TTLL11: variants seen among roughly 807,000 people sequenced by gnomAD.
TTLL11 encodes tubulin polyglutamylase TTLL11.
In TTLL11, 42 loss-of-function variants were observed where a neutral mutation model predicts 51.7. That is an observed-to-expected ratio of 0.81 (90% CI 0.64 to 1.05). TTLL11 has a LOEUF of 1.05. TTLL11 is among the 50% of genes least tolerant of loss of function. TTLL11 has a pLI of 0.00. For synonymous variants in TTLL11, 381 were observed against 383.5 expected, an observed-to-expected ratio of 0.99 and a Z score of 0.08; for missense variants, 799 against 940.4, an observed-to-expected ratio of 0.85 and a Z score of 1.97.
intron 8 of TTLL11, among the ~76,000 whole-genome samples, chr9:121,826,568 T>C (rs187650828): frequency 0.075 from 8,922 of 118,924 alleles, 1,212 homozygotes; most frequent in African/African-American, 0.21. Context: ...TATATATATA[T>C]ATATATATAT....
At position 122,093,104 on chromosome 9, in the gene TTLL11, C is replaced by T; in HGVS notation, c.45G>A (p.Glu15=). ...CTTTGGCCGCAGCCACCGCCTCCGC[C>T]TCCCACCGGGCCGCCAGCTCGCTCT... is the stretch of plus-strand genomic sequence containing the variant. ...SSESELAARW[E]AEAVAAAKAA... is the part of the protein sequence containing the mutation. The change falls in exon 1 of 9, where the codon GAG becomes GAA. Residue 15 remains glutamate, a synonymous_variant. Coordinates refer to ENST00000321582, the MANE Select transcript of TTLL11 (RefSeq NM_001139442.2). The T allele has an allele frequency of 2.0e-6, 3 of 1,500,396 alleles. No individual in the cohort carries two copies. The highest frequency in any genetic ancestry group is 2.7e-6 in the Non-Finnish European group (3 of 1,131,986). 92.9% of individuals were successfully genotyped at this position (1,500,396 alleles called of 1,614,324 possible).
chr9:121,863,623 C>G (rs1838087790), intron 7 of TTLL11, among the ~76,000 whole-genome samples: 1 of 152,206 alleles, frequency 6.6e-6, no homozygotes, highest in Non-Finnish European at 1.5e-5. Flanking sequence ...GCTACTGGGA[C>G]AGAGGAGGGA....
chr9:122,044,119 TG>T (rs911659740), intron 1 of TTLL11, among the ~76,000 whole-genome samples: 2 of 152,244 alleles, frequency 1.3e-5, no homozygotes, highest in African/African-American at 4.8e-5. Context: ...TTTGGTTTTT[TG>T]TCCTTGCGAT....
intron 3 of TTLL11, among the ~76,000 whole-genome samples, chr9:122,016,273 G>C (rs1359435909): frequency 6.6e-6 from 1 of 152,138 alleles, no homozygotes; most frequent in Non-Finnish European, 1.5e-5. Context: ...TCTAATAAAA[G>C]GTTAAATATG....
intron 1 of TTLL11, among the ~76,000 whole-genome samples, chr9:122,070,003 ACACACACACGCG>A (rs1390929052): frequency 6.6e-6 from 1 of 151,682 alleles, no homozygotes; most frequent in African/African-American, 2.4e-5. Flanking sequence ...ACACACACAC[ACACACACACGCG>A]CACACACACA....
intron 1 of TTLL11, among the ~76,000 whole-genome samples, chr9:122,072,735 T>A (rs1250724502): frequency 6.6e-6 from 1 of 152,118 alleles, no homozygotes; most frequent in East Asian, 1.9e-4. Flanking sequence ...CCCTGCTACC[T>A]TGCTCACCCC....
intron 1 of TTLL11, among the ~76,000 whole-genome samples, chr9:122,047,818 T>C (rs993962906): frequency 1.3e-5 from 2 of 152,180 alleles, no homozygotes; most frequent in African/African-American, 4.8e-5. Flanking sequence ...TCATTAACAC[T>C]ATGCATTTCT....
chr9:121,838,538 G>A (rs1287934017), intron 8 of TTLL11, among the ~76,000 whole-genome samples: 1 of 152,162 alleles, frequency 6.6e-6, no homozygotes, highest in Non-Finnish European at 1.5e-5. Flanking sequence ...GGCCAACATG[G>A]TGAAACCCTG....
In TTLL11 at chr9:121,822,547, C is replaced by T; in HGVS notation, c.*40G>A. The stretch of plus-strand genomic sequence containing the variant: ...GCCTGGGGCGCTCCAGCCCTGAAAG[C>T]TGCTCTCGTCTTCCGTTTTCCAGGA... On this transcript the variant is annotated 3_prime_UTR_variant, in exon 9 of 9. Coordinates refer to ENST00000321582, the MANE Select transcript of TTLL11 (RefSeq NM_001139442.2). This position sits in a 1 kb window ranked among gnomAD's most constrained non-coding sequence, Gnocchi z 5.8. 3 of 1,423,476 alleles carry T rather than the reference C, an allele frequency of 2.1e-6. No individual in the cohort carries two copies. Among genetic ancestry groups the T allele is most frequent in the Non-Finnish European group, 2.8e-6 (3 of 1,085,032 alleles). The allele number at this position is 1,423,476 out of a possible 1,614,324, so 88.2% of individuals were successfully genotyped here.
At chr9:121,907,217 G>C (rs1281653714) in intron 6 of TTLL11, among the ~76,000 whole-genome samples, 1 of 151,952 alleles carries the variant, frequency 6.6e-6, no homozygotes, top group East Asian at 1.9e-4. Context: ...TGGGAGGCTG[G>C]GGTGGGAGGA....
intron 6 of TTLL11, among the ~76,000 whole-genome samples, chr9:121,957,194 G>A (rs1043347255): frequency 1.5e-5 from 2 of 129,800 alleles, no homozygotes; most frequent in Non-Finnish European, 3.2e-5. Flanking sequence ...TCCTCAAACC[G>A]GCTAGCCAGT....
At position 122,051,537 on chromosome 9, in the gene TTLL11, C is replaced by T. The variant is rs115045282; in HGVS notation, c.463-12169G>A. Among the ~76,000 whole-genome samples the T allele has an allele frequency of 5.6e-3, 858 of 152,268 alleles. 11 individuals are homozygous for T. Among genetic ancestry groups the T allele is most frequent in the African/African-American group, 0.02 (833 of 41,544 alleles). On this transcript the variant is annotated intron_variant, in intron 1 of 8. Coordinates refer to ENST00000321582, the MANE Select transcript of TTLL11 (RefSeq NM_001139442.2). ...GATACTGCCTGCTTGTTGCTCATCC[C>T]ACGGACCCAAAACCCAACACACCCA...
In TTLL11 at chr9:121,995,174, A is replaced by T. The variant is rs994707667; in HGVS notation, c.694-5404T>A. On this transcript the variant is annotated intron_variant, in intron 3 of 8. Transcript: ENST00000321582. The surrounding 1 kb of genome is among the most constrained non-coding windows in gnomAD (Gnocchi z 4.4). ...ATGGCCAAGGCCCTCGCAATGGGCCAGATTATCCAGAGACAGGATAGAGAG... is the reference window on the plus strand; with the variant it reads ...ATGGCCAAGGCCCTCGCAATGGGCCTGATTATCCAGAGACAGGATAGAGAG... Among the ~76,000 whole-genome samples the T allele has an allele frequency of 7.2e-5, 11 of 152,328 alleles. No homozygotes were observed. The highest frequency in any genetic ancestry group is 5.2e-4 in the Admixed American group (8 of 15,294).
At chr9:121,921,250 G>C (rs1366599082) in intron 6 of TTLL11, among the ~76,000 whole-genome samples, 1 of 152,094 alleles carries the variant, frequency 6.6e-6, no homozygotes, top group African/African-American at 2.4e-5. Context: ...TTCTTTCCTT[G>C]ACTCGACAAA....
chr9:121,942,380 C>A (rs1379493700), intron 6 of TTLL11, among the ~76,000 whole-genome samples: 1 of 152,326 alleles, frequency 6.6e-6, no homozygotes, highest in East Asian at 1.9e-4. Flanking sequence ...ACTAACACAT[C>A]GTCTTGGCCC....
rs1239216499 is a variant in TTLL11, at chr9:121,820,964, A to G, written c.*1623T>C. On this transcript the variant is annotated 3_prime_UTR_variant, in exon 9 of 9. Coordinates refer to ENST00000321582, the MANE Select transcript of TTLL11 (RefSeq NM_001139442.2). ...AGGGAAGGGGTGCTGCGCGGCAGCC[A>G]CACCGTGGGGGAAACAGGTTTTCCT... Among the ~76,000 whole-genome samples, 1 of 151,552 alleles carries G rather than the reference A, an allele frequency of 6.6e-6. No individual in the cohort carries two copies. Among genetic ancestry groups the G allele is most frequent in the East Asian group, 2.0e-4 (1 of 5,100 alleles).
At chr9:121,964,182 AG>A (rs1438984558) in intron 6 of TTLL11, among the ~76,000 whole-genome samples, 2 of 152,048 alleles carry the variant, frequency 1.3e-5, no homozygotes, top group Admixed American at 6.6e-5. Context: ...AAAAAAAAAA[AG>A]GTTTCGAATA....
intron 6 of TTLL11, among the ~76,000 whole-genome samples, chr9:121,957,965 T>A (rs574617324): frequency 6.6e-6 from 1 of 152,250 alleles, no homozygotes; most frequent in East Asian, 1.9e-4. Context: ...TCAAAAAAAG[T>A]GAGGGGCCAG....
intron 6 of TTLL11, among the ~76,000 whole-genome samples, chr9:121,963,285 A>C (rs1256156164): frequency 6.6e-6 from 1 of 152,210 alleles, no homozygotes; most frequent in Non-Finnish European, 1.5e-5. Flanking sequence ...CTAATGAAGA[A>C]ACTGAACTCC....
Sources: gnomAD v4.1 joint callset for allele counts (sites outside exome capture counted in the v4.1 genomes callset) on GRCh38, gnomAD v4.1.1 for gene constraint, Gnocchi (gnomAD v3.1) non-coding constraint, MANE v1.5 for transcripts, NCBI Gene and HGNC (gene_info 2026-07-23, HGNC 2026-07-21) for gene names.